The following TENM3 variants were observed in gnomAD, a reference collection of about 807,000 sequenced individuals.
TENM3 encodes the protein teneurin-3.
Under a neutral mutation model 255.1 loss-of-function variants are expected in TENM3, and 63 were observed. The observed-to-expected ratio is 0.25, with a 90% CI of 0.20 to 0.30. The LOEUF (loss-of-function observed/expected upper bound fraction) is 0.30, where lower values mean the gene tolerates loss of function less well. TENM3 is among the 10% of genes least tolerant of loss of function. TENM3 has a pLI of 1.00. For synonymous variants in TENM3, 1,306 were observed against 1,322.3 expected (o/e 0.99, Z 0.27); for missense variants, 2,929 against 3,461.1 (o/e 0.85, Z 3.86).
the TENM3 span, among the ~76,000 whole-genome samples, chr4:181,509,060 A>C: frequency 3.3e-5 from 5 of 151,922 alleles, no homozygotes; most frequent in Non-Finnish European, 5.9e-5. Context: ...AATTTGTTTT[A>C]AAGGTTAAAA....
chr4:181,975,779 AG>A, the TENM3 span: 1 of 152,296 alleles, frequency 6.6e-6, no homozygotes, highest in Non-Finnish European at 1.5e-5. Flanking sequence ...AAAGGCTAAA[AG>A]ACTGCATATG....
intron 3 of TENM3, among the ~76,000 whole-genome samples, chr4:182,589,128 C>CT: frequency 6.6e-6 from 1 of 152,164 alleles, no homozygotes; most frequent in East Asian, 1.9e-4. Context: ...TTGGAGAAAG[C>CT]TGTTTTAGGA....
chr4:182,250,297 C>CGA, intron 1 of TENM3, among the ~76,000 whole-genome samples: 1 of 152,020 alleles, frequency 6.6e-6, no homozygotes, highest in Admixed American at 6.6e-5. Flanking sequence ...CATGATCCAC[C>CGA]CGCCTTAGCC....
At chr4:182,380,673 G>A (rs567284423) in intron 3 of TENM3, among the ~76,000 whole-genome samples, 12 of 152,262 alleles carry the variant, frequency 7.9e-5, no homozygotes, top group African/African-American at 2.6e-4. Flanking sequence ...AGAGGGGAAA[G>A]GATTCAAAAT....
At chr4:181,743,272 A>G in the TENM3 span, among the ~76,000 whole-genome samples, 58 of 152,274 alleles carry the variant, frequency 3.8e-4, no homozygotes, top group South Asian at 2.7e-3. Flanking sequence ...CAATGGTTGA[A>G]CTAGTTTACA....
intron 5 of TENM3, among the ~76,000 whole-genome samples, chr4:182,629,393 AT>A (rs1437590602): frequency 1.3e-5 from 2 of 152,186 alleles, no homozygotes; most frequent in Non-Finnish European, 2.9e-5. Flanking sequence ...CAATGAATGG[AT>A]TATATACTCA....
chr4:182,763,665 G>C (rs898200693), intron 22 of TENM3, among the ~76,000 whole-genome samples: 1 of 152,210 alleles, frequency 6.6e-6, no homozygotes, highest in Non-Finnish European at 1.5e-5. Context: ...AGCTAGGTCA[G>C]TTAGCGTTAT....
the TENM3 span, among the ~76,000 whole-genome samples, chr4:181,496,080 C>T: frequency 2.6e-5 from 4 of 151,974 alleles, no homozygotes; most frequent in African/African-American, 9.7e-5. Flanking sequence ...GATATTGTCC[C>T]AGTCATTAAC....
chr4:181,664,345 C>T, the TENM3 span, among the ~76,000 whole-genome samples: 1 of 152,064 alleles, frequency 6.6e-6, no homozygotes, highest in Non-Finnish European at 1.5e-5. Flanking sequence ...TGGTGGTCAC[C>T]TGTAATCCCA....
At chr4:182,162,966 A>C (rs1751456556) in intron 1 of TENM3, among the ~76,000 whole-genome samples, 2 of 152,162 alleles carry the variant, frequency 1.3e-5, no homozygotes, top group African/African-American at 4.8e-5. Flanking sequence ...CTCTTCTCTC[A>C]GGCCTGAGGA....
At chr4:182,208,520 A>G (rs1754738295) in intron 1 of TENM3, among the ~76,000 whole-genome samples, 1 of 152,216 alleles carries the variant, frequency 6.6e-6, no homozygotes, top group Non-Finnish European at 1.5e-5. Context: ...TATAGTAGTA[A>G]TGAAAGGGTA....
the TENM3 span, among the ~76,000 whole-genome samples, chr4:181,874,176 C>T: frequency 6.6e-6 from 1 of 152,130 alleles, no homozygotes; most frequent in South Asian, 2.1e-4. Flanking sequence ...GCCTCAGCCT[C>T]CCAAACTGCT....
the TENM3 span, among the ~76,000 whole-genome samples, chr4:182,003,928 A>T: frequency 1.3e-5 from 2 of 152,080 alleles, no homozygotes; most frequent in Admixed American, 1.3e-4. Context: ...AAAAAAAAAA[A>T]TAAATCTTCA....
At chr4:181,837,424 AT>A in the TENM3 span, among the ~76,000 whole-genome samples, 1 of 151,904 alleles carries the variant, frequency 6.6e-6, no homozygotes, top group African/African-American at 2.4e-5. Context: ...CTTTTTTCAC[AT>A]TTATTAAGTT....
chr4:181,843,908 C>T, the TENM3 span, among the ~76,000 whole-genome samples: 1 of 151,914 alleles, frequency 6.6e-6, no homozygotes, highest in Admixed American at 6.6e-5. Context: ...TTAGTAGAGA[C>T]ACGGTTTCAC....
intron 1 of TENM3, among the ~76,000 whole-genome samples, chr4:182,218,493 T>C (rs932972768): frequency 2.6e-5 from 4 of 152,198 alleles, no homozygotes; most frequent in Non-Finnish European, 4.4e-5. Flanking sequence ...TAGGGTCATC[T>C]TAGCCCCATT....
At chr4:182,630,979 C>T (rs1751314417) in intron 5 of TENM3, among the ~76,000 whole-genome samples, 1 of 152,040 alleles carries the variant, frequency 6.6e-6, no homozygotes, top group Non-Finnish European at 1.5e-5. Context: ...AATGTGAGAT[C>T]AGTCACTGTT....
At chr4:182,695,364 T>C (rs1198054410) in intron 12 of TENM3, among the ~76,000 whole-genome samples, 3 of 152,208 alleles carry the variant, frequency 2.0e-5, no homozygotes, top group Non-Finnish European at 4.4e-5. Context: ...CGTATGTTAA[T>C]ATAAAACTTG....
At chr4:181,962,659 TAA>T in the TENM3 span, among the ~76,000 whole-genome samples, 2 of 152,196 alleles carry the variant, frequency 1.3e-5, no homozygotes, top group Non-Finnish European at 2.9e-5. Flanking sequence ...ATCACCTTTT[TAA>T]AAAGACACAC....
Sources: gnomAD v4.1 joint callset for allele counts (sites outside exome capture counted in the v4.1 genomes callset) on GRCh38, gnomAD v4.1.1 for gene constraint, MANE v1.5 for transcripts, NCBI Gene and HGNC (gene_info 2026-07-23, HGNC 2026-07-21) for gene names.